The following ZNF776 variants were observed in gnomAD, a reference collection of about 807,000 sequenced individuals.
ZNF776 encodes the protein zinc finger protein 776.
ZNF776 carries 4 observed loss-of-function variants against 7.0 expected under a neutral mutation model. The ratio of observed to expected loss-of-function variants is 0.57; its 90% CI spans 0.28 to 1.31. The LOEUF (loss-of-function observed/expected upper bound fraction) is 1.31. Ranked by LOEUF, ZNF776 falls within the 50% of genes most tolerant of loss-of-function variation. The pLI, the probability that ZNF776 is intolerant of heterozygous loss-of-function variation, is 0.10. For synonymous variants in ZNF776, 212 were observed against 213.7 expected (o/e 0.99, Z 0.07); for missense variants, 555 against 625.9 (o/e 0.89, Z 1.21).
rs778467469 is a variant in ZNF776 at position 57,753,729 on chromosome 19, C to T, written c.599C>T (p.Pro200Leu). ...KSNFETKHGI[P>L]LQGGKTHYIC... is the part of the protein sequence containing the mutation. ...AACTTTGAAACTAAGCATGGGATAC[C>T]CCTTCAGGGTGGAAAAACTCATTAC... The change falls in exon 3 of 3, where the codon CCC becomes CTC. Residue 200 changes from proline (P) to leucine (L), a missense_variant. Pro to Leu is a moderately conservative substitution (Grantham distance 98). Coordinates refer to ENST00000317178, the MANE Select transcript of ZNF776 (RefSeq NM_173632.4). 1 of 1,614,152 alleles carries T rather than the reference C, an allele frequency of 6.2e-7. No individual in the cohort carries two copies. The highest frequency in any genetic ancestry group is 8.5e-7 in the Non-Finnish European group (1 of 1,180,034).
In ZNF776 at chr19:57,746,854, A is replaced by C. The variant is rs1986444551; in HGVS notation, c.-205A>C. 2 of 461,884 alleles carry C rather than the reference A, an allele frequency of 4.3e-6. No individual in the cohort carries two copies. Among genetic ancestry groups the C allele is most frequent in the Non-Finnish European group, 7.8e-6 (2 of 257,444 alleles). The allele number at this position is 461,884 out of a possible 1,614,324, so 28.6% of individuals were successfully genotyped here. On this transcript the variant is annotated 5_prime_UTR_variant, in exon 1 of 3. Transcript: ENST00000317178. ...TTGGTGTTGGGTGTATTTTCCAGTG[A>C]GAGACCGCGGAGTGTTGGGTCGTGT...
At chr19:57,750,105 C>T (rs1327839888) in intron 1 of ZNF776, among the ~76,000 whole-genome samples, 1 of 151,886 alleles carries the variant, frequency 6.6e-6, no homozygotes, top group Non-Finnish European at 1.5e-5. Context: ...TGGCCATGGG[C>T]ATGTGTCTGT....
rs1986693633 is a variant in ZNF776 at position 57,754,032 on chromosome 19, T to C, written c.902T>C (p.Phe301Ser). 6.2e-7 allele frequency: 1 copy of C among 1,613,734 alleles called. No homozygotes were observed. Among genetic ancestry groups the C allele is most frequent in the Admixed American group, 1.7e-5 (1 of 59,976 alleles). ...PYECGECDKSFSHKHSLVDHQ... is the reference protein window; with the variant it reads ...PYECGECDKSSSHKHSLVDHQ... ...GAGTGTGGAGAATGTGATAAATCTT[T>C]TAGTCATAAGCACAGTCTTGTTGAC... Residue 301 changes from phenylalanine (F) to serine (S), a missense_variant, in exon 3 of 3, where the codon TTT (phenylalanine) becomes TCT (serine). Phe to Ser is a radical substitution (Grantham distance 155, BLOSUM62 -2). Coordinates refer to ENST00000317178, the MANE Select transcript of ZNF776 (RefSeq NM_173632.4).
intron 1 of ZNF776, among the ~76,000 whole-genome samples, chr19:57,748,255 G>A (rs1219611490): frequency 6.6e-6 from 1 of 152,182 alleles, no homozygotes; most frequent in African/African-American, 2.4e-5. Context: ...AATACACAAA[G>A]TAAGGGCATG....
At chr19:57,749,984 A>G (rs1986552947) in intron 1 of ZNF776, among the ~76,000 whole-genome samples, 1 of 152,194 alleles carries the variant, frequency 6.6e-6, no homozygotes, top group Non-Finnish European at 1.5e-5. Context: ...GGTCATTAAT[A>G]TAACTGTAAG....
In ZNF776 at chr19:57,755,973, CT is replaced by C. The variant is rs1040761241; in HGVS notation, c.*1290del. ...CTGGCCTAGAGCAGAAGTGTCCAAT[CT>C]TTTGGCTTTCCTGGTCCACATTGGA... On this transcript the variant is annotated 3_prime_UTR_variant, in exon 3 of 3. Transcript: ENST00000317178. 5.9e-5 allele frequency: 9 copies of C among 152,212 alleles called. No individual in the cohort carries two copies. Among genetic ancestry groups the C allele is most frequent in the Admixed American group, 5.9e-4 (9 of 15,278 alleles). The allele number at this position is 152,212 out of a possible 1,614,324, so 9.4% of individuals were successfully genotyped here. A position where few individuals can be genotyped will look rare whatever the true frequency, so the allele number is the denominator to read the frequency against.
chr19:57,752,063 G>C (rs908060896), intron 2 of ZNF776, among the ~76,000 whole-genome samples: 1 of 151,704 alleles, frequency 6.6e-6, no homozygotes, highest in Non-Finnish European at 1.5e-5. Context: ...TAGTAGAGAC[G>C]GGGTTTCACC....
At position 57,754,158 on chromosome 19, in the gene ZNF776, C is replaced by G; in HGVS notation, c.1028C>G (p.Thr343Ser). The change falls in exon 3 of 3, where the codon ACT becomes AGT. Residue 343 changes from threonine to serine, a missense_variant. Physicochemically the swap from Thr to Ser is moderately conservative, Grantham distance 58. Coordinates refer to ENST00000317178, the MANE Select transcript of ZNF776 (RefSeq NM_173632.4). The part of the protein sequence containing the change: ...RSLVHHQRVH[T>S]GERPYQCGEC... ...CTTGTTCACCACCAGCGAGTTCACA[C>G]TGGAGAAAGACCTTATCAGTGTGGA... The G allele has an allele frequency of 6.2e-7, 1 of 1,614,152 alleles. No homozygotes were observed. The highest frequency in any genetic ancestry group is 8.5e-7 in the Non-Finnish European group (1 of 1,179,998).
In ZNF776 at chr19:57,753,838, T is replaced by C. The variant is rs371142768; in HGVS notation, c.708T>C (p.Tyr236=). Residue 236 remains tyrosine (Y), a synonymous_variant, in exon 3 of 3, where the codon TAT becomes TAC. Coordinates refer to ENST00000317178, the MANE Select transcript of ZNF776 (RefSeq NM_173632.4). The part of the protein sequence containing the change: ...HQRLLPREGP[Y]VCSDSGKFTS... The stretch of plus-strand genomic sequence containing the variant: ...GACTTCTCCCTAGAGAAGGACCTTA[T>C]GTATGCAGTGATTCTGGGAAATTCA... The C allele has an allele frequency of 1.9e-6, 3 of 1,614,126 alleles. No homozygotes were observed. The highest frequency in any genetic ancestry group is 2.2e-5 in the East Asian group (1 of 44,904).
rs148884101 is a variant in ZNF776 at position 57,751,059 on chromosome 19, A to G, written c.160+148A>G. The stretch of plus-strand genomic sequence containing the variant: ...CCTGGGTAGGTTCTATGTGGTATGT[A>G]GGACTGAGGTGTGTGCACTGCCCTC... On this transcript the variant is annotated intron_variant, in intron 2 of 2. Coordinates refer to ENST00000317178, the MANE Select transcript of ZNF776 (RefSeq NM_173632.4). 158 of 887,590 alleles carry G rather than the reference A, an allele frequency of 1.8e-4. No individual in the cohort carries two copies. In the African/African-American group the frequency reaches 2.7e-3, roughly 15 times the overall value. 55.0% of individuals were successfully genotyped at this position (887,590 alleles called of 1,614,324 possible).
chr19:57,751,591 C>G (rs1568475594), intron 2 of ZNF776, among the ~76,000 whole-genome samples: 1 of 151,962 alleles, frequency 6.6e-6, no homozygotes, highest in Non-Finnish European at 1.5e-5. Context: ...GTCTCTGACT[C>G]CCAACCTCAC....
rs1017500490 is a variant in ZNF776 at position 57,754,410 on chromosome 19, C to T, written c.1280C>T (p.Thr427Ile). The T allele has an allele frequency of 6.2e-6, 10 of 1,614,048 alleles. No individual in the cohort carries two copies. The highest frequency in any genetic ancestry group is 1.3e-5 in the African/African-American group (1 of 74,920). The change falls in exon 3 of 3, where the codon ACT becomes ATT. Residue 427 changes from threonine (T) to isoleucine (I), a missense_variant. By Grantham distance (89) the Thr-to-Ile change is moderately conservative. Transcript: ENST00000317178. ...CTCACTGAACACCAGAGAGTTCACA[C>T]TGGAGAAAGGCCATATGAGTGTAGA... is the stretch of plus-strand genomic sequence containing the variant. ...SHLTEHQRVH[T>I]GERPYECREC...
chr19:57,746,892 A>G lies in ZNF776; in HGVS notation c.-167A>G. 1 of 609,784 alleles carries G rather than the reference A, an allele frequency of 1.6e-6. No homozygotes were observed. The highest frequency in any genetic ancestry group is 3.2e-5 in the Admixed American group (1 of 31,644). 37.8% of individuals were successfully genotyped at this position (609,784 alleles called of 1,614,324 possible). On this transcript the variant is annotated 5_prime_UTR_variant, in exon 1 of 3. Coordinates refer to ENST00000317178, the MANE Select transcript of ZNF776 (RefSeq NM_173632.4). ...TGTTGGGTCGTGTAGAAGTGACTGA[A>G]CCCAGAAGGTGGAGACGAGACGTTG...
At chr19:57,747,727 C>T (rs1284707783) in intron 1 of ZNF776, among the ~76,000 whole-genome samples, 1 of 152,144 alleles carries the variant, frequency 6.6e-6, no homozygotes, top group African/African-American at 2.4e-5. Context: ...TCAGGAACTC[C>T]TGGCTGCAGA....
rs1986802993 is a variant in ZNF776, at chr19:57,757,220, G to C, written c.*2533G>C. On this transcript the variant is annotated 3_prime_UTR_variant, in exon 3 of 3. Coordinates refer to ENST00000317178, the MANE Select transcript of ZNF776 (RefSeq NM_173632.4). ...GTTGGGATATACTTTTTTTAAAAAGGCATCCACAATGATTCAGTCACTATG... is the reference window on the plus strand; with the variant it reads ...GTTGGGATATACTTTTTTTAAAAAGCCATCCACAATGATTCAGTCACTATG... 6.2e-6 allele frequency: 1 copy of C among 160,032 alleles called. No individual in the cohort carries two copies. Among genetic ancestry groups the C allele is most frequent in the Non-Finnish European group, 1.4e-5 (1 of 72,804 alleles). The allele number at this position is 160,032 out of a possible 1,614,324, so 9.9% of individuals were successfully genotyped here.
intron 1 of ZNF776, 99 bp downstream of exon 1, chr19:57,747,190 C>A: frequency 1.5e-6 from 2 of 1,366,708 alleles, no homozygotes; most frequent in Non-Finnish European, 2.0e-6. Context: ...ACACCCTGAA[C>A]CCGGCGTCGG....
chr19:57,753,560 A>C lies in ZNF776; in HGVS notation c.430A>C (p.Ser144Arg). 6.2e-7 allele frequency: 1 copy of C among 1,614,268 alleles called. No homozygotes were observed. The highest frequency in any genetic ancestry group is 8.5e-7 in the Non-Finnish European group (1 of 1,180,046). ...GCACATTGGAGAGAAATCGTACAGA[A>C]GCAATGCCAAGGGAACATCTTTTGT... Reference protein sequence around the residue: ...KQHIGEKSYRSNAKGTSFVKN... With the variant: ...KQHIGEKSYRRNAKGTSFVKN... Residue 144 changes from serine to arginine, a missense_variant, in exon 3 of 3, where the codon AGC (serine) becomes CGC (arginine). Transcript: ENST00000317178.
rs1372236307 is a variant in ZNF776 at position 57,750,796 on chromosome 19, C to G, written c.45C>G (p.Thr15=). The change falls in exon 2 of 3, where the codon ACC becomes ACG. Residue 15 remains threonine, a synonymous_variant. Transcript: ENST00000317178. ...ALRPPAQGTV[T]FEDVAVNFSQ... ...CATCATCACGGCAGGGCACTGTGAC[C>G]TTTGAAGATGTGGCTGTGAACTTTT... 6.2e-7 allele frequency: 1 copy of G among 1,612,132 alleles called. No homozygotes were observed. The highest frequency in any genetic ancestry group is 8.5e-7 in the Non-Finnish European group (1 of 1,178,800).
chr19:57,751,877 T>G (rs1448033180), intron 2 of ZNF776, among the ~76,000 whole-genome samples: 13 of 127,354 alleles, frequency 1.0e-4, no homozygotes, highest in Admixed American at 3.2e-4. Context: ...TGTTTTTTTT[T>G]TTTTTTTTTT....
Sources: allele counts gnomAD v4.1 joint callset (sites outside exome capture counted in the v4.1 genomes callset), GRCh38; gene constraint gnomAD v4.1.1; transcripts MANE v1.5; gene names NCBI Gene and HGNC (gene_info 2026-07-23, HGNC 2026-07-21).